The following KNTC1 variants were observed in gnomAD, a reference collection of about 807,000 sequenced individuals.
The protein encoded by KNTC1 is kinetochore-associated protein 1.
KNTC1 carries 253 observed loss-of-function variants against 314.4 expected under a neutral mutation model. That is an observed-to-expected ratio of 0.80 (90% CI 0.73 to 0.89). The LOEUF is 0.89. KNTC1 is among the 40% of genes least tolerant of loss of function. The pLI is 0.00. For missense variants in KNTC1, 2,475 were observed against 2,572.9 expected (o/e 0.96, Z 0.82); for synonymous variants, 901 against 901.4 (o/e 1.00, Z 0.01).
rs771605651 is a variant in KNTC1, at chr12:122,551,619, A to G, written c.1197-2A>G. ...AACAAAATTTCTCTTCCAACTTAAC[A>G]GATTGAGTCGGTTACTTCACAAACA... On this transcript the variant is annotated splice_acceptor_variant, in intron 15 of 63. Transcript: ENST00000333479. LOFTEE classifies it high-confidence loss of function. 6 of 1,613,230 alleles carry G rather than the reference A, an allele frequency of 3.7e-6. No homozygotes were observed. Among genetic ancestry groups the G allele is most frequent in the Non-Finnish European group, 5.1e-6 (6 of 1,179,296 alleles).
At chr12:122,622,422 G>T in intron 61 of KNTC1, 40 bp from the exon 62 acceptor site, 2 of 1,425,036 alleles carry the variant, frequency 1.4e-6, no homozygotes, top group Non-Finnish European at 1.9e-6. Context: ...GATTCTAATA[G>T]ATTAGAAGTC....
chr12:122,613,542 C>G, intron 54 of KNTC1, 84 bp from the exon 55 acceptor site: 2 of 1,295,302 alleles, frequency 1.5e-6, no homozygotes, highest in Non-Finnish European at 2.1e-6. Context: ...AACAAACTGG[C>G]CTAATATTTC....
At position 122,598,034 on chromosome 12, in the gene KNTC1, A is replaced by G; in HGVS notation, c.4563+96A>G. On this transcript the variant is annotated intron_variant, in intron 44 of 63. Coordinates refer to ENST00000333479, the MANE Select transcript of KNTC1 (RefSeq NM_014708.6). The stretch of plus-strand genomic sequence containing the variant: ...TAACAAATTGGATGTATAAGTCTAT[A>G]TTTTTATCAACTTTTAATTTGAAAT... 5 of 837,474 alleles carry G rather than the reference A, an allele frequency of 6.0e-6. No individual in the cohort carries two copies. In the South Asian group the frequency reaches 8.4e-5, roughly 14 times the overall value. The allele number at this position is 837,474 out of a possible 1,614,324, so 51.9% of individuals were successfully genotyped here. A position where few individuals can be genotyped will look rare whatever the true frequency, so the allele number is the denominator to read the frequency against.
In KNTC1 at chr12:122,575,481, G is replaced by A. The variant is rs117810241; in HGVS notation, c.2383-62G>A. On this transcript the variant is annotated intron_variant, in intron 27 of 63. Coordinates refer to ENST00000333479, the MANE Select transcript of KNTC1 (RefSeq NM_014708.6). ...TAAGACCTGCTGATTAGACTGTGCT[G>A]TTCACTTGCATGCATCGTAAACCTG... 2.5e-4 allele frequency: 278 copies of A among 1,098,174 alleles called. 1 individual carries two copies. In the East Asian group the frequency reaches 6.2e-3, roughly 25 times the overall value. 68.0% of individuals were successfully genotyped at this position (1,098,174 alleles called of 1,614,324 possible).
chr12:122,548,583 C>T lies in KNTC1; in HGVS notation c.987+614C>T, dbSNP rs187989368. ...AATTACATTTCACCTTAAATACAAA[C>T]TGTAGAATGGACTTCAGGTATATGT... On this transcript the variant is annotated intron_variant, in intron 12 of 63. Transcript: ENST00000333479. Among the ~76,000 whole-genome samples, 58 of 152,284 alleles carry T rather than the reference C, an allele frequency of 3.8e-4. 1 individual carries two copies. In the East Asian group the frequency reaches 0.011, roughly 29 times the overall value.
At chr12:122,574,838 G>A (rs1221592819) in intron 27 of KNTC1, among the ~76,000 whole-genome samples, 4 of 152,216 alleles carry the variant, frequency 2.6e-5, no homozygotes, top group Non-Finnish European at 5.9e-5. Flanking sequence ...CAAACATGGA[G>A]ACTTTTCTTT....
intron 34 of KNTC1, 113 bp from the exon 35 acceptor site, chr12:122,584,165 T>C (rs190648825): frequency 1.3e-6 from 1 of 789,018 alleles, no homozygotes; most frequent in East Asian, 2.5e-5. Flanking sequence ...CATGAGAACA[T>C]TTAAAAGACA....
chr12:122,615,624 TTAAA>T, intron 57 of KNTC1, 98 bp downstream of exon 57: 4 of 1,182,882 alleles, frequency 3.4e-6, no homozygotes, highest in Non-Finnish European at 4.6e-6. Flanking sequence ...CAGCTCCTTC[TTAAA>T]TAACAGAACT....
At position 122,605,033 on chromosome 12, in the gene KNTC1, G is replaced by A. The variant is rs542508586; in HGVS notation, c.5332G>A (p.Glu1778Lys). 1.9e-6 allele frequency: 3 copies of A among 1,612,998 alleles called. No homozygotes were observed. The highest frequency in any genetic ancestry group is 2.7e-5 in the African/African-American group (2 of 75,010). Residue 1778 changes from glutamate to lysine, a missense_variant, in exon 50 of 64, where the codon GAA becomes AAA. Physicochemically the swap from Glu to Lys is moderately conservative, Grantham distance 56 (BLOSUM62 1). Transcript: ENST00000333479. The stretch of plus-strand genomic sequence containing the variant: ...AGCACATCTTATTGTCAGTCTCTAC[G>A]AACATCCTAGCATCAATCAAAGAAT... ...KPAHLIVSLY[E>K]HPSINQRIQN...
At chr12:122,586,059 T>G (rs1869238614) in intron 37 of KNTC1, among the ~76,000 whole-genome samples, 1 of 127,206 alleles carries the variant, frequency 7.9e-6, no homozygotes, top group African/African-American at 3.2e-5. Flanking sequence ...ATGTTTTGTT[T>G]CTTTTTTGTG....
chr12:122,543,579 C>A, intron 6 of KNTC1, 21 bp from the exon 7 acceptor site: 2 of 1,523,480 alleles, frequency 1.3e-6, no homozygotes, highest in Non-Finnish European at 1.8e-6. Flanking sequence ...TACATTTAGC[C>A]TGCTTTCTTT....
intron 48 of KNTC1, among the ~76,000 whole-genome samples, chr12:122,604,022 A>G (rs1872290976): frequency 6.6e-6 from 1 of 152,178 alleles, no homozygotes; most frequent in African/African-American, 2.4e-5. Context: ...AAATTATACT[A>G]GAATATGTAT....
chr12:122,543,994 A>G (rs895281295), intron 7 of KNTC1, among the ~76,000 whole-genome samples, 165 bp from the exon 8 acceptor site: 10 of 151,426 alleles, frequency 6.6e-5, no homozygotes, highest in African/African-American at 2.2e-4. Flanking sequence ...GGTTGTGGTG[A>G]GCCGAGATTG....
In KNTC1 at chr12:122,546,639, CT is replaced by C; in HGVS notation, c.782del (p.Leu261ArgfsTer2). 1 of 1,588,304 alleles carries C rather than the reference CT, an allele frequency of 6.3e-7. No homozygotes were observed. The highest frequency in any genetic ancestry group is 8.6e-7 in the Non-Finnish European group (1 of 1,163,076). On this transcript the variant is annotated frameshift_variant, in exon 10 of 64. Transcript: ENST00000333479. LOFTEE classifies it high-confidence loss of function. Reference sequence around the variant, plus strand: ...TTTTGTAGGTGCAAAGAAGTTCCAGCTGATAGACAATCTACTTTTTGTTCTT... The same window carrying C: ...TTTTGTAGGTGCAAAGAAGTTCCAGCGATAGACAATCTACTTTTTGTTCTT... ...EIIKGAKKFQLIDNLLFVLDT... is the reference protein window; with the variant it reads ...EIIKGAKKFQXIDNLLFVLDT...
intron 24 of KNTC1, among the ~76,000 whole-genome samples, chr12:122,572,039 T>G (rs1213065404): frequency 2.0e-4 from 31 of 152,128 alleles, no homozygotes; most frequent in South Asian, 2.1e-4. Context: ...TATATAAACA[T>G]TCTGCTAAGT....
rs201706835 is a variant in KNTC1 at position 122,597,932 on chromosome 12, A to T, written c.4557A>T (p.Leu1519=). 74 of 1,613,276 alleles carry T rather than the reference A, an allele frequency of 4.6e-5. No homozygotes were observed. The East Asian group carries it at 1.6e-3, about 34-fold the overall frequency. The part of the protein sequence containing the change: ...KDLVISLSGI[L]HKLDPYDYEM... Reference sequence around the variant, plus strand: ...TGGTCATCAGTCTTAGTGGAATACTACATAAGGTAGACACACAGTGAAATG... The same window carrying T: ...TGGTCATCAGTCTTAGTGGAATACTTCATAAGGTAGACACACAGTGAAATG... The change falls in exon 44 of 64, where the codon CTA becomes CTT. Residue 1519 remains leucine, a synonymous_variant. Transcript: ENST00000333479.
chr12:122,569,906 CACCA>C, intron 22 of KNTC1, 82 bp downstream of exon 22: 21 of 1,114,688 alleles, frequency 1.9e-5, no homozygotes, highest in Non-Finnish European at 2.4e-5. Context: ...GTCACGTTAA[CACCA>C]GTTAACACCA....
In KNTC1 at chr12:122,546,237, T is replaced by C. The variant is rs756452873; in HGVS notation, c.731T>C (p.Val244Ala). The change falls in exon 9 of 64, where the codon GTT becomes GCT. Residue 244 changes from valine to alanine, a missense_variant. Coordinates refer to ENST00000333479, the MANE Select transcript of KNTC1 (RefSeq NM_014708.6). ...EPDSSKKGMT[V>A]KNLIDAEIIK... ...GATTCTTCCAAGAAAGGAATGACAG[T>C]TAAGAACCTTATTGATGCAGAGATT... 9 of 1,600,438 alleles carry C rather than the reference T, an allele frequency of 5.6e-6. No individual in the cohort carries two copies. The South Asian group carries it at 9.9e-5, about 18-fold the overall frequency.
chr12:122,604,975 C>G lies in KNTC1; in HGVS notation c.5274C>G (p.Asn1758Lys). 5 of 1,612,798 alleles carry G rather than the reference C, an allele frequency of 3.1e-6. 1 individual carries two copies. Among genetic ancestry groups the G allele is most frequent in the Non-Finnish European group, 4.2e-6 (5 of 1,179,364 alleles). ...TEAVLIAHKL[N>K]TEEYLRVIGK... ...CTGTGCTCATAGCCCACAAGCTGAA[C>G]ACTGAGGAATATTTAAGAGTGATCG... The change falls in exon 50 of 64, where the codon AAC becomes AAG. Residue 1758 changes from asparagine (N) to lysine (K), a missense_variant. By Grantham distance (94) the Asn-to-Lys change is moderately conservative (BLOSUM62 0). Coordinates refer to ENST00000333479, the MANE Select transcript of KNTC1 (RefSeq NM_014708.6).
Sources: allele counts gnomAD v4.1 joint callset (sites outside exome capture counted in the v4.1 genomes callset), GRCh38; gene constraint gnomAD v4.1.1; transcripts MANE v1.5; gene names NCBI Gene and HGNC (gene_info 2026-07-23, HGNC 2026-07-21).